ZNF365: variants seen among roughly 807,000 people sequenced by gnomAD.
ZNF365 encodes the protein protein ZNF365.
ZNF365 carries 22 observed loss-of-function variants against 35.0 expected under a neutral mutation model. The observed-to-expected ratio is 0.63, with a 90% CI of 0.45 to 0.90. ZNF365 has a LOEUF of 0.90. Among genes scored for constraint, ZNF365 ranks in the 40% least tolerant of loss-of-function variants. The probability of loss-of-function intolerance (pLI) is 0.00; values close to 1 mark genes in which losing one functional copy is unlikely to be tolerated. For missense variants in ZNF365, 448 were observed against 500.3 expected, an observed-to-expected ratio of 0.90 and a Z score of 1.00; for synonymous variants, 188 against 196.2, an observed-to-expected ratio of 0.96 and a Z score of 0.35.
chr10:62,447,317 G>T (rs1464442104), intron 3 of ZNF365, among the ~76,000 whole-genome samples: 3 of 152,110 alleles, frequency 2.0e-5, no homozygotes, highest in Non-Finnish European at 4.4e-5. Context: ...TATATTGTTT[G>T]TTTTTTATTG....
intron 3 of ZNF365, among the ~76,000 whole-genome samples, chr10:62,431,794 T>C (rs999206779): frequency 6.6e-6 from 1 of 152,214 alleles, no homozygotes; most frequent in African/African-American, 2.4e-5. Context: ...TGATAAGTTC[T>C]CCAGTCTGCC....
At chr10:62,393,498 A>G (rs904122961) in intron 3 of ZNF365, among the ~76,000 whole-genome samples, 1 of 152,222 alleles carries the variant, frequency 6.6e-6, no homozygotes, top group Non-Finnish European at 1.5e-5. Context: ...TTATAATGTT[A>G]TGGGAACACC....
intron 3 of ZNF365, among the ~76,000 whole-genome samples, chr10:62,447,034 A>T (rs1840601326): frequency 6.6e-6 from 1 of 152,098 alleles, no homozygotes; most frequent in Non-Finnish European, 1.5e-5. Context: ...AACTATGCAA[A>T]TGTGTTTTGA....
At chr10:62,449,947 T>C (rs1840652181) in intron 3 of ZNF365, among the ~76,000 whole-genome samples, 1 of 152,084 alleles carries the variant, frequency 6.6e-6, no homozygotes, top group South Asian at 2.1e-4. Context: ...ATGTTAAAGA[T>C]TTCCAGTTCA....
At position 62,451,667 on chromosome 10, in the gene ZNF365, G is replaced by T. The variant is rs529005362; in HGVS notation, c.925-8074G>T. 2.0e-5 allele frequency among the ~76,000 whole-genome samples: 3 copies of T among 152,276 alleles called. No individual in the cohort carries two copies. The South Asian group carries it at 6.2e-4, about 32-fold the overall frequency. On this transcript the variant is annotated intron_variant, in intron 3 of 4. Transcript: ENST00000395255. ...GCTTTCCTTGCCATGCAGGGGCTTG[G>T]CTACAGTTCACTAGTGGTTACCGAC...
At chr10:62,387,437 A>C (rs1490519757) in intron 2 of ZNF365, among the ~76,000 whole-genome samples, 1 of 152,182 alleles carries the variant, frequency 6.6e-6, no homozygotes, top group Admixed American at 6.5e-5. Context: ...TGAATTTTTT[A>C]AATAAAGAGC....
At position 62,401,727 on chromosome 10, in the gene ZNF365, TA is replaced by T; in HGVS notation, c.*1940del. The T allele has an allele frequency of 1.0e-6, 1 of 985,542 alleles. No individual in the cohort carries two copies. The highest frequency in any genetic ancestry group is 1.2e-6 in the Non-Finnish European group (1 of 829,920). 61.0% of individuals were successfully genotyped at this position (985,542 alleles called of 1,614,324 possible). A position where few individuals can be genotyped will look rare whatever the true frequency, so the allele number is the denominator to read the frequency against. The stretch of plus-strand genomic sequence containing the variant: ...GTTGTATTGCATGCTCTTTGTCCTG[TA>T]ATGTGTGTGCAATGACAACTTGTTT... On this transcript the variant is annotated 3_prime_UTR_variant, in exon 5 of 5. Transcript: ENST00000395254.
At chr10:62,410,635 C>A (rs960726990) in intron 3 of ZNF365, among the ~76,000 whole-genome samples, 9 of 152,080 alleles carry the variant, frequency 5.9e-5, no homozygotes, top group African/African-American at 2.2e-4. Context: ...TCTGTTCCTG[C>A]ATTAGTTTGA....
chr10:62,440,412 C>A (rs909980384), intron 3 of ZNF365, among the ~76,000 whole-genome samples: 2 of 152,034 alleles, frequency 1.3e-5, no homozygotes, highest in Non-Finnish European at 2.9e-5. Context: ...AACCTCCACC[C>A]TCAAGCAGAC....
chr10:62,475,792 G>A (rs1841120986), intron 4 of ZNF365, among the ~76,000 whole-genome samples: 1 of 152,182 alleles, frequency 6.6e-6, no homozygotes, highest in Non-Finnish European at 1.5e-5. Flanking sequence ...TCTGAGGCAG[G>A]CCCAATTAAG....
chr10:62,450,932 A>G (rs1192305363), intron 3 of ZNF365, among the ~76,000 whole-genome samples: 1 of 152,228 alleles, frequency 6.6e-6, no homozygotes, highest in Non-Finnish European at 1.5e-5. Context: ...TAGTTAAGAC[A>G]AGAGTTATCT....
intron 4 of ZNF365, among the ~76,000 whole-genome samples, chr10:62,476,132 C>T (rs2132495383): frequency 6.6e-6 from 1 of 151,826 alleles, no homozygotes; most frequent in East Asian, 2.0e-4. Flanking sequence ...TTCTATGGCC[C>T]AGGGACCTAC....
intron 3 of ZNF365, among the ~76,000 whole-genome samples, chr10:62,396,050 C>T (rs1012214950): frequency 3.3e-5 from 5 of 152,094 alleles, no homozygotes; most frequent in African/African-American, 9.7e-5. Context: ...ATCTGCCTGA[C>T]GCCAAAGGGG....
intron 3 of ZNF365, among the ~76,000 whole-genome samples, chr10:62,398,469 C>A (rs567808839): frequency 5.9e-5 from 9 of 152,066 alleles, no homozygotes; most frequent in Admixed American, 2.6e-4. Flanking sequence ...GGCTCTTTTG[C>A]GTGTTTGAGA....
intron 2 of ZNF365, among the ~76,000 whole-genome samples, chr10:62,378,759 C>T (rs1402309518): frequency 6.6e-6 from 1 of 152,148 alleles, no homozygotes; most frequent in African/African-American, 2.4e-5. Context: ...ACTGTTCTGC[C>T]AATTGCACGC....
At chr10:62,416,685 C>G (rs1257696029) in intron 3 of ZNF365, among the ~76,000 whole-genome samples, 1 of 151,988 alleles carries the variant, frequency 6.6e-6, no homozygotes, top group Non-Finnish European at 1.5e-5. Context: ...ATGCTTGGGA[C>G]TAGAAGTGTT....
At chr10:62,451,051 C>A (rs530784275) in intron 3 of ZNF365, among the ~76,000 whole-genome samples, 9 of 152,296 alleles carry the variant, frequency 5.9e-5, no homozygotes, top group Non-Finnish European at 1.0e-4. Flanking sequence ...CCTATAAATT[C>A]ATCCACACAT....
At chr10:62,469,427 T>G (rs1212289048) in intron 4 of ZNF365, among the ~76,000 whole-genome samples, 2 of 152,174 alleles carry the variant, frequency 1.3e-5, no homozygotes, top group Non-Finnish European at 2.9e-5. Context: ...CAGTTAGTAA[T>G]GTAAAAAAAG....
chr10:62,391,548 A>T (rs1839629335), intron 3 of ZNF365, among the ~76,000 whole-genome samples: 1 of 152,240 alleles, frequency 6.6e-6, no homozygotes, highest in Non-Finnish European at 1.5e-5. Context: ...CTCCAGTTCC[A>T]TCCACGTTGC....
Sources: gnomAD v4.1 joint callset for allele counts (sites outside exome capture counted in the v4.1 genomes callset) on GRCh38, gnomAD v4.1.1 for gene constraint, MANE v1.5 for transcripts, NCBI Gene and HGNC (gene_info 2026-07-23, HGNC 2026-07-21) for gene names.